Variants in ALOX12B observed in about 807,000 individuals in gnomAD.
The protein encoded by ALOX12B is arachidonate 12-lipoxygenase, 12R-type.
ALOX12B carries 47 observed loss-of-function variants against 78.9 expected under a neutral mutation model. The ratio of observed to expected loss-of-function variants is 0.60; its 90% CI spans 0.47 to 0.76. The LOEUF is 0.76. ALOX12B is among the 30% of genes least tolerant of loss of function. The probability of loss-of-function intolerance (pLI) is 0.00; values close to 1 mark genes in which losing one functional copy is unlikely to be tolerated. For synonymous variants in ALOX12B, 370 were observed against 374.5 expected, an observed-to-expected ratio of 0.99 and a Z score of 0.14; for missense variants, 805 against 922.6, an observed-to-expected ratio of 0.87 and a Z score of 1.65.
chr17:8,081,747 A>T (rs2151823687), intron 2 of ALOX12B, among the ~76,000 whole-genome samples: 1 of 151,948 alleles, frequency 6.6e-6, no homozygotes, highest in South Asian at 2.1e-4. Context: ...GGTTCAAGCG[A>T]TTCTGCTGCC....
In ALOX12B at chr17:8,087,626, G is replaced by T; in HGVS notation, c.-184C>A. The stretch of plus-strand genomic sequence containing the variant: ...CTGCCAGCCAAATTCTGGAAAAGCT[G>T]CTGCCCTTGGTGGCCGGGGTGGGTG... On this transcript the variant is annotated 5_prime_UTR_variant, in exon 1 of 15. Coordinates refer to ENST00000647874, the MANE Select transcript of ALOX12B (RefSeq NM_001139.3). 1.9e-6 allele frequency: 2 copies of T among 1,037,220 alleles called. No homozygotes were observed. Among genetic ancestry groups the T allele is most frequent in the Non-Finnish European group, 2.8e-6 (2 of 710,172 alleles). The allele number at this position is 1,037,220 out of a possible 1,614,324, so 64.3% of individuals were successfully genotyped here. A position where few individuals can be genotyped will look rare whatever the true frequency, so the allele number is the denominator to read the frequency against.
chr17:8,080,159 C>G lies in ALOX12B; in HGVS notation c.754+76G>C, dbSNP rs760258127. 6.4e-6 allele frequency: 10 copies of G among 1,551,700 alleles called. No homozygotes were observed. The highest frequency in any genetic ancestry group is 8.9e-6 in the Non-Finnish European group (10 of 1,123,744). On this transcript the variant is annotated intron_variant, in intron 6 of 14. Coordinates refer to ENST00000647874, the MANE Select transcript of ALOX12B (RefSeq NM_001139.3). The surrounding 1 kb of genome is among the most constrained non-coding windows in gnomAD (Gnocchi z 4.8). The stretch of plus-strand genomic sequence containing the variant: ...CGCTGCCTCTCCCGTCCCACTGCCC[C>G]GAAGTCGGGGGCCTGCCTAGCACGC...
At position 8,072,783 on chromosome 17, in the gene ALOX12B, G is replaced by T. The variant is rs1977007343; in HGVS notation, c.2094C>A (p.Ser698Arg). ...YYLDPVLIEN[S>R]ISI The stretch of plus-strand genomic sequence containing the variant: ...GGGAAGCGCGCTCCTAAATAGAAAT[G>T]CTGTTCTCAATCAGCACCGGGTCCA... Residue 698 changes from serine (S) to arginine (R), a missense_variant, in exon 15 of 15, where the codon AGC becomes AGA. Physicochemically the swap from Ser to Arg is moderately radical, Grantham distance 110. Coordinates refer to ENST00000647874, the MANE Select transcript of ALOX12B (RefSeq NM_001139.3). The T allele has an allele frequency of 3.7e-6, 6 of 1,614,238 alleles. No homozygotes were observed. The highest frequency in any genetic ancestry group is 5.1e-6 in the Non-Finnish European group (6 of 1,180,044).
chr17:8,079,868 C>T lies in ALOX12B; in HGVS notation c.828G>A (p.Leu276=). 1.2e-6 allele frequency: 2 copies of T among 1,613,452 alleles called. No individual in the cohort carries two copies. The highest frequency in any genetic ancestry group is 1.1e-5 in the South Asian group (1 of 91,068). Residue 276 remains leucine (L), a synonymous_variant, in exon 7 of 15, where the codon CTG becomes CTA. Coordinates refer to ENST00000647874, the MANE Select transcript of ALOX12B (RefSeq NM_001139.3). The surrounding 1 kb of genome is among the most constrained non-coding windows in gnomAD (Gnocchi z 6.4). Reference sequence around the variant, plus strand: ...CTGGGATCCGCGTGCAGCGGCGGATCAGGCCGGGGTTGACGCCGTTGAGGT... The same window carrying T: ...CTGGGATCCGCGTGCAGCGGCGGATTAGGCCGGGGTTGACGCCGTTGAGGT... ...YQYLNGVNPG[L]IRRCTRIPDK...
In ALOX12B at chr17:8,077,508, C is replaced by T. The variant is rs1977112347; in HGVS notation, c.1072-315G>A. 2.0e-5 allele frequency among the ~76,000 whole-genome samples: 3 copies of T among 152,236 alleles called. No individual in the cohort carries two copies. The South Asian group carries it at 6.2e-4, about 31-fold the overall frequency. On this transcript the variant is annotated intron_variant, in intron 8 of 14. Transcript: ENST00000647874. ...ACTTCAGCCACACCTCCACCACATT[C>T]AGGTGCGCAGGTTGTGCACTGCACA...
intron 2 of ALOX12B, among the ~76,000 whole-genome samples, chr17:8,082,484 C>T (rs1425991044): frequency 6.6e-6 from 1 of 152,184 alleles, no homozygotes; most frequent in Non-Finnish European, 1.5e-5. Flanking sequence ...TCCTTTGAAA[C>T]CTGGAAGGTG....
intron 2 of ALOX12B, chr17:8,081,434 C>T (rs766725890): frequency 3.4e-6 from 2 of 585,428 alleles, no homozygotes; most frequent in Admixed American, 6.0e-5. Context: ...AAAGTCCCTC[C>T]TCTAGACCCA....
At chr17:8,082,394 C>A (rs991756341) in intron 2 of ALOX12B, among the ~76,000 whole-genome samples, 3 of 152,112 alleles carry the variant, frequency 2.0e-5, no homozygotes, top group African/African-American at 7.2e-5. Flanking sequence ...GGAAAGCGTT[C>A]TTATCGCCAT....
At chr17:8,073,811 G>A in intron 12 of ALOX12B, 54 bp from the exon 13 acceptor site, 1 of 1,420,340 alleles carries the variant, frequency 7.0e-7, no homozygotes. Context: ...GGTACTGGCT[G>A]CCCGGCAGAG....
At chr17:8,085,215 T>C (rs867232115) in intron 2 of ALOX12B, among the ~76,000 whole-genome samples, 27 of 152,280 alleles carry the variant, frequency 1.8e-4, no homozygotes, top group African/African-American at 5.3e-4. Context: ...AAACTGGGGC[T>C]CATGCCTGTA....
In ALOX12B at chr17:8,079,480, G is replaced by C; in HGVS notation, c.987C>G (p.Leu329=). 1 of 1,551,008 alleles carries C rather than the reference G, an allele frequency of 6.4e-7. No individual in the cohort carries two copies. The highest frequency in any genetic ancestry group is 1.2e-5 in the South Asian group (1 of 84,076). Residue 329 remains leucine, a synonymous_variant, in exon 8 of 15, where the codon CTC becomes CTG. Coordinates refer to ENST00000647874, the MANE Select transcript of ALOX12B (RefSeq NM_001139.3). The surrounding 1 kb of genome is among the most constrained non-coding windows in gnomAD (Gnocchi z 6.4). ...CGCAGTGGTGCTGCTTCCGGCCGCT[G>C]AGCTCCACGGTGGGGATGCCCTCCA... ...RIMEGIPTVE[L]SGRKQHHCAP...
At chr17:8,084,857 TC>T (rs1978292288) in intron 2 of ALOX12B, among the ~76,000 whole-genome samples, 1 of 152,014 alleles carries the variant, frequency 6.6e-6, no homozygotes, top group African/African-American at 2.4e-5. Context: ...AGGCCCCCAG[TC>T]CTCATGCAGC....
At chr17:8,075,468 A>T (rs1488140092) in intron 12 of ALOX12B, 127 bp downstream of exon 12, 90 of 1,474,580 alleles carry the variant, frequency 6.1e-5, no homozygotes, top group Non-Finnish European at 8.3e-5. Flanking sequence ...CTAGGGCAGC[A>T]ATTTGGTCTC....
At chr17:8,076,466 A>G (rs899685781) in intron 10 of ALOX12B, 122 bp from the exon 11 acceptor site, 2 of 1,352,416 alleles carry the variant, frequency 1.5e-6, no homozygotes, top group African/African-American at 2.9e-5. Context: ...TCCAGGAACA[A>G]TCCTGCTCTG....
intron 2 of ALOX12B, among the ~76,000 whole-genome samples, chr17:8,084,922 G>C (rs1978292370): frequency 6.6e-6 from 1 of 152,200 alleles, no homozygotes; most frequent in South Asian, 2.1e-4. Context: ...TCTGGCAGGG[G>C]TGGGTGCAAG....
chr17:8,081,013 G>GC (rs1392344929), intron 3 of ALOX12B, 37 bp from the exon 4 acceptor site: 1 of 1,613,522 alleles, frequency 6.2e-7, no homozygotes, highest in East Asian at 2.2e-5. Flanking sequence ...TCATGCCCGT[G>GC]CACCACCCCA....
intron 11 of ALOX12B, 136 bp from the exon 12 acceptor site, chr17:8,075,852 G>A (rs1441928519): frequency 7.7e-6 from 11 of 1,435,946 alleles, no homozygotes; most frequent in South Asian, 1.2e-5. Flanking sequence ...GGCAAGTCCT[G>A]TGGGGCAGAA....
In ALOX12B at chr17:8,087,571, T is replaced by A; in HGVS notation, c.-129A>T. 1 of 1,484,164 alleles carries A rather than the reference T, an allele frequency of 6.7e-7. No individual in the cohort carries two copies. Among genetic ancestry groups the A allele is most frequent in the Non-Finnish European group, 9.2e-7 (1 of 1,084,964 alleles). The allele number at this position is 1,484,164 out of a possible 1,614,324, so 91.9% of individuals were successfully genotyped here. A position where few individuals can be genotyped will look rare whatever the true frequency, so the allele number is the denominator to read the frequency against. On this transcript the variant is annotated 5_prime_UTR_variant, in exon 1 of 15. Transcript: ENST00000647874. ...GACAGGGCTGGCCTCCGAGGTGCAGTGGTGAGGTGGCGAGGTGGGGTGACT... is the reference window on the plus strand; with the variant it reads ...GACAGGGCTGGCCTCCGAGGTGCAGAGGTGAGGTGGCGAGGTGGGGTGACT...
At chr17:8,084,302 A>G (rs2151824414) in intron 2 of ALOX12B, among the ~76,000 whole-genome samples, 1 of 152,190 alleles carries the variant, frequency 6.6e-6, no homozygotes, top group African/African-American at 2.4e-5. Flanking sequence ...TTTCCCCTCA[A>G]GTCCCTTACC....
Sources: gnomAD v4.1 joint callset for allele counts (sites outside exome capture counted in the v4.1 genomes callset) on GRCh38, gnomAD v4.1.1 for gene constraint, Gnocchi (gnomAD v3.1) non-coding constraint, MANE v1.5 for transcripts, NCBI Gene and HGNC (gene_info 2026-07-23, HGNC 2026-07-21) for gene names.